B4GALT4: variants seen among roughly 807,000 people sequenced by gnomAD.
The protein encoded by B4GALT4 is N-acetyllactosamine synthase.
Under a neutral mutation model 37.3 loss-of-function variants are expected in B4GALT4, and 27 were observed. That is an observed-to-expected ratio of 0.72 (90% CI 0.53 to 1.00). The LOEUF (loss-of-function observed/expected upper bound fraction) is 1.00. Ranked by LOEUF, B4GALT4 falls within the 50% of genes least tolerant of loss-of-function variation. The pLI is 0.00. For synonymous variants in B4GALT4, 148 were observed against 154.1 expected (o/e 0.96, Z 0.29); for missense variants, 372 against 413.1 (o/e 0.90, Z 0.86).
intron 5 of B4GALT4, 101 bp from the exon 6 acceptor site, chr3:119,218,873 C>T (rs2078367391): frequency 2.2e-6 from 3 of 1,387,422 alleles, no homozygotes; most frequent in African/African-American, 2.9e-5. Context: ...CATGTACTTC[C>T]ACCCACCCAC....
intron 2 of B4GALT4, among the ~76,000 whole-genome samples, chr3:119,234,878 G>A (rs780849935): frequency 6.6e-6 from 1 of 152,174 alleles, no homozygotes; most frequent in Non-Finnish European, 1.5e-5. Flanking sequence ...CCCGTAGTTA[G>A]TTAAAAATGG....
chr3:119,226,547 G>C (rs899848004), intron 4 of B4GALT4: 212 of 465,066 alleles, frequency 4.6e-4, no homozygotes, highest in Non-Finnish European at 8.6e-5. Flanking sequence ...GCAGTCATTG[G>C]CTAACATGGA....
rs113183257 is a variant in B4GALT4 at position 119,229,410 on chromosome 3, G to A, written c.253+437C>T. On this transcript the variant is annotated intron_variant, in intron 3 of 7. Transcript: ENST00000393765. ...GAAAATGGACAAACCATAGCTGCAC[G>A]CAACCATAAGAACAGATCTCACAAA... Among the ~76,000 whole-genome samples, 117 of 152,350 alleles carry A rather than the reference G, an allele frequency of 7.7e-4. 1 individual carries two copies. Among genetic ancestry groups the A allele is most frequent in the East Asian group, 5.6e-3 (29 of 5,192 alleles).
In B4GALT4 at chr3:119,212,639, A is replaced by G. The variant is rs72655938; in HGVS notation, c.945T>C (p.Asp315=). The part of the protein sequence containing the change: ...LHQVSRVWRT[D]GLSSCSYKLV... ...ATTTATAAGAACAACTACTCAACCC[A>G]TCTGTTCTCCAGACTCGTGACACTT... Residue 315 remains aspartate (D), a synonymous_variant, in exon 8 of 8, where the codon GAT becomes GAC. Transcript: ENST00000393765. The G allele has an allele frequency of 1.7e-4, 282 of 1,612,588 alleles. No individual in the cohort carries two copies. In the African/African-American group the frequency reaches 3.4e-3, roughly 19 times the overall value.
intron 2 of B4GALT4, among the ~76,000 whole-genome samples, chr3:119,233,347 A>G (rs2078883386): frequency 6.6e-6 from 1 of 152,210 alleles, no homozygotes; most frequent in Non-Finnish European, 1.5e-5. Flanking sequence ...TTAAGAATCT[A>G]AAACTGTCCT....
In B4GALT4 at chr3:119,226,059, G is replaced by A. The variant is rs977687138; in HGVS notation, c.486+750C>T. ...TCTTAGAATTTATAAGAATTTGAGG[G>A]GGAATTATCCCTCTTCTTGGCCTCC... On this transcript the variant is annotated intron_variant, in intron 4 of 7. Coordinates refer to ENST00000393765, the MANE Select transcript of B4GALT4 (RefSeq NM_003778.4). 5.9e-5 allele frequency among the ~76,000 whole-genome samples: 9 copies of A among 152,234 alleles called. No individual in the cohort carries two copies. In the East Asian group the frequency reaches 1.7e-3, roughly 29 times the overall value.
chr3:119,228,879 T>C (rs2078717606), intron 3 of B4GALT4, among the ~76,000 whole-genome samples: 1 of 152,058 alleles, frequency 6.6e-6, no homozygotes, highest in Non-Finnish European at 1.5e-5. Context: ...TCTCTCCCTC[T>C]CTCTTTCCCT....
At chr3:119,234,853 T>C (rs559690967) in intron 2 of B4GALT4, among the ~76,000 whole-genome samples, 34 of 152,382 alleles carry the variant, frequency 2.2e-4, no homozygotes, top group Non-Finnish European at 4.4e-4. Flanking sequence ...ACTCTTTTCC[T>C]TTCTAGAAGT....
chr3:119,235,963 G>A (rs933388379), intron 2 of B4GALT4, among the ~76,000 whole-genome samples: 17 of 152,210 alleles, frequency 1.1e-4, no homozygotes, highest in Non-Finnish European at 2.4e-4. Context: ...GAAAGTGAGC[G>A]ATGGAAAAAA....
At chr3:119,239,061 A>G (rs1291917495) in intron 1 of B4GALT4, among the ~76,000 whole-genome samples, 2 of 152,122 alleles carry the variant, frequency 1.3e-5, no homozygotes, top group Non-Finnish European at 2.9e-5. Context: ...GCCTGGGCCC[A>G]TGGTACACAT....
At chr3:119,234,113 C>G (rs564886968) in intron 2 of B4GALT4, among the ~76,000 whole-genome samples, 304 of 151,360 alleles carry the variant, frequency 2.0e-3, no homozygotes, top group Non-Finnish European at 3.2e-3. Flanking sequence ...TTCCAGGACA[C>G]AAGTTTTTTT....
rs543706671 is a variant in B4GALT4 at position 119,230,011 on chromosome 3, G to A, written c.89C>T (p.Thr30Ile). 9.3e-6 allele frequency: 15 copies of A among 1,614,048 alleles called. No homozygotes were observed. The highest frequency in any genetic ancestry group is 3.3e-5 in the Admixed American group (2 of 59,998). Residue 30 changes from threonine to isoleucine, a missense_variant, in exon 3 of 8, where the codon ACC (threonine) becomes ATC (isoleucine). Transcript: ENST00000393765. ...AATGGCACCCACGAAGTAGTTACTG[G>A]TGGCCCACCCAACCACTGTCAGGCA... ...TLCLTVVGWA[T>I]SNYFVGAIQE...
At position 119,224,137 on chromosome 3, in the gene B4GALT4, G is replaced by A; in HGVS notation, c.595C>T (p.Pro199Ser). 1 of 1,613,996 alleles carries A rather than the reference G, an allele frequency of 6.2e-7. No homozygotes were observed. Among genetic ancestry groups the A allele is most frequent in the South Asian group, 1.1e-5 (1 of 91,056 alleles). Reference protein sequence around the residue: ...CFIFHDVDLVPENDFNLYKCE... With the variant: ...CFIFHDVDLVSENDFNLYKCE... ...TTGTAAAGGTTAAAGTCATTCTCGG[G>A]TACCAGGTCCACATCGTGGAATATA... The change falls in exon 5 of 8, where the codon CCC (proline) becomes TCC (serine). Residue 199 changes from proline to serine, a missense_variant. Pro to Ser is a moderately conservative substitution (Grantham distance 74). Coordinates refer to ENST00000393765, the MANE Select transcript of B4GALT4 (RefSeq NM_003778.4).
In B4GALT4 at chr3:119,216,445, TACAC is replaced by T. The variant is rs71617679; in HGVS notation, c.798-105_798-102del. 71 of 27,584 alleles carry T rather than the reference TACAC, an allele frequency of 2.6e-3. 4 individuals are homozygous for T. Among genetic ancestry groups the T allele is most frequent in the Admixed American group, 8.1e-3 (11 of 1,350 alleles). 1.7% of individuals were successfully genotyped at this position (27,584 alleles called of 1,614,324 possible). On this transcript the variant is annotated intron_variant, in intron 6 of 7. Transcript: ENST00000393765. The stretch of plus-strand genomic sequence containing the variant: ...GAAAATTTATACACACACACGCACA[TACAC>T]ACACACACACACACACACACACAGT...
intron 3 of B4GALT4, 147 bp downstream of exon 3, chr3:119,229,696 ATATT>A (rs951162925): frequency 1.1e-6 from 1 of 873,186 alleles, no homozygotes; most frequent in Admixed American, 3.2e-5. Flanking sequence ...TGTACATGTT[ATATT>A]TATTTTATTT....
chr3:119,239,749 G>A (rs965804373), intron 1 of B4GALT4, among the ~76,000 whole-genome samples: 4 of 152,072 alleles, frequency 2.6e-5, no homozygotes, highest in African/African-American at 9.7e-5. Flanking sequence ...CAATTTCATG[G>A]GGTTTACAAT....
At chr3:119,233,191 C>A (rs1380488448) in intron 2 of B4GALT4, 1 of 152,164 alleles carries the variant, frequency 6.6e-6, no homozygotes, top group Non-Finnish European at 1.5e-5. Flanking sequence ...GAGGTTATGA[C>A]CATAAAATTA....
At chr3:119,240,241 G>T (rs949783000) in intron 1 of B4GALT4, 13 of 151,612 alleles carry the variant, frequency 8.6e-5, no homozygotes, top group Non-Finnish European at 1.3e-4. Context: ...GACTTTGTCT[G>T]TTTTTTTTCA....
At chr3:119,235,434 A>G (rs1304894063) in intron 2 of B4GALT4, among the ~76,000 whole-genome samples, 1 of 152,234 alleles carries the variant, frequency 6.6e-6, no homozygotes, top group Non-Finnish European at 1.5e-5. Context: ...CTCTGAACCT[A>G]TCAGGTAATT....
Sources: gnomAD v4.1 joint callset for allele counts (sites outside exome capture counted in the v4.1 genomes callset) on GRCh38, gnomAD v4.1.1 for gene constraint, MANE v1.5 for transcripts, NCBI Gene and HGNC (gene_info 2026-07-23, HGNC 2026-07-21) for gene names.